RRM2: variants seen among roughly 807,000 people sequenced by gnomAD.
RRM2 encodes the protein ribonucleotide reductase regulatory subunit M2.
In RRM2, 6 loss-of-function variants were observed where a neutral mutation model predicts 45.9. The observed-to-expected ratio is 0.13, with a 90% CI of 0.07 to 0.26. The LOEUF (loss-of-function observed/expected upper bound fraction) is 0.26. Among genes scored for constraint, RRM2 ranks in the 10% least tolerant of loss-of-function variants. The pLI, the probability that RRM2 is intolerant of heterozygous loss-of-function variation, is 1.00. For synonymous variants in RRM2, 177 were observed against 173.0 expected, an observed-to-expected ratio of 1.02 and a Z score of -0.18; for missense variants, 343 against 489.5, an observed-to-expected ratio of 0.70 and a Z score of 2.82.
chr2:10,133,708 T>C (rs1034322899), downstream of RRM2, among the ~76,000 whole-genome samples: 25 of 151,136 alleles, frequency 1.7e-4, no homozygotes, highest in Non-Finnish European at 3.4e-4. Context: ...TCAGGATTTT[T>C]TTTTTTTTTT....
At chr2:10,138,685 C>G (rs941239362), upstream of RRM2, among the ~76,000 whole-genome samples, 10 of 152,234 alleles carry the variant, frequency 6.6e-5, no homozygotes, top group Non-Finnish European at 1.5e-4. Flanking sequence ...CATCACTGCT[C>G]TCAGCCTCAG....
upstream of RRM2, among the ~76,000 whole-genome samples, chr2:10,137,616 C>T (rs1663012644): frequency 6.6e-6 from 1 of 152,206 alleles, no homozygotes. Flanking sequence ...CTTATGGCCA[C>T]AAAGTCTAGG....
chr2:10,209,057 C>CTTTCTTTCT (rs1048061514), intron 3 of RRM2, among the ~76,000 whole-genome samples: 40 of 102,488 alleles, frequency 3.9e-4, no homozygotes, highest in East Asian at 1.2e-3. Context: ...TTCTTTCTTT[C>CTTTCTTTCT]TTTTTTTTTT....
intron 3 of RRM2, among the ~76,000 whole-genome samples, chr2:10,180,546 C>A (rs552938709): frequency 6.6e-6 from 1 of 152,174 alleles, no homozygotes; most frequent in Non-Finnish European, 1.5e-5. Context: ...CCTTGGCACT[C>A]GTGGTTGGCC....
chr2:10,126,899 A>G lies in RRM2; in HGVS notation c.594A>G (p.Glu198=). 6.2e-7 allele frequency: 1 copy of G among 1,614,094 alleles called. No individual in the cohort carries two copies. The highest frequency in any genetic ancestry group is 8.5e-7 in the Non-Finnish European group (1 of 1,180,012). The change falls in exon 6 of 10, where the codon GAA becomes GAG. Residue 198 remains glutamate (E), a synonymous_variant. Transcript: ENST00000304567. ...KEREFLFNAI[E]TMPCVKKKAD... ...GGGAATTTCTCTTCAATGCCATTGA[A>G]ACGATGCCTTGTGTCAAGAAGAAGG...
intron 3 of RRM2, among the ~76,000 whole-genome samples, chr2:10,150,771 G>GTTTTTTTTTTTTT (rs61292654): frequency 2.2e-5 from 2 of 92,858 alleles, no homozygotes; most frequent in Admixed American, 1.2e-4. Context: ...AGTGTGTTGT[G>GTTTTTTTTTTTTT]TTTTTTTTTT....
Position 10,129,652 on chromosome 2 carries a change from A to T in RRM2, c.*266A>T. On this transcript the variant is annotated 3_prime_UTR_variant, in exon 10 of 10. Coordinates refer to ENST00000304567, the MANE Select transcript of RRM2 (RefSeq NM_001034.4). This position sits in a 1 kb window ranked among gnomAD's most constrained non-coding sequence, Gnocchi z 4.8. ...GCTTTAAAGTGAGGGGTGACCCTTT[A>T]GTGAGCTTAGCACAGCGGGATTAAA... The T allele has an allele frequency of 2.2e-6, 1 of 461,412 alleles. No homozygotes were observed. Among genetic ancestry groups the T allele is most frequent in the Non-Finnish European group, 3.9e-6 (1 of 259,648 alleles). 28.6% of individuals were successfully genotyped at this position (461,412 alleles called of 1,614,324 possible). A position where few individuals can be genotyped will look rare whatever the true frequency, so the allele number is the denominator to read the frequency against.
At chr2:10,156,054 A>G (rs1360639092) in intron 3 of RRM2, 1 of 152,146 alleles carries the variant, frequency 6.6e-6, no homozygotes. Context: ...TACAGGAAGA[A>G]CCCTGCTGGC....
intron 3 of RRM2, among the ~76,000 whole-genome samples, chr2:10,182,928 A>G (rs1222514528): frequency 6.6e-6 from 1 of 152,224 alleles, no homozygotes; most frequent in Admixed American, 6.5e-5. Flanking sequence ...CTGTGATCCC[A>G]ACACTTTGAG....
chr2:10,141,919 G>A lies in RRM2; in HGVS notation n.326G>A, dbSNP rs772308678. On this transcript the variant is annotated non_coding_transcript_exon_variant, in exon 2 of 4. Transcript: ENST00000381786. ...GCCCTCGGGGAGACAGCACGCCAGT[G>A]AGGGAGATGGAGACCAATCACCCAC... 4 of 1,577,808 alleles carry A rather than the reference G, an allele frequency of 2.5e-6. No individual in the cohort carries two copies. In the African/African-American group the frequency reaches 4.0e-5, roughly 16 times the overall value.
downstream of RRM2, among the ~76,000 whole-genome samples, chr2:10,136,113 G>A (rs972192607): frequency 6.6e-6 from 1 of 152,178 alleles, no homozygotes; most frequent in African/African-American, 2.4e-5. Flanking sequence ...TCCTGTGTCC[G>A]GGCAGCACCA....
chr2:10,183,757 C>T (rs561188406), intron 3 of RRM2, among the ~76,000 whole-genome samples: 13 of 150,684 alleles, frequency 8.6e-5, no homozygotes, highest in South Asian at 4.2e-4. Context: ...ATTGCGCCAC[C>T]GCACTCCAGC....
chr2:10,197,020 T>G (rs1414743805), intron 3 of RRM2, among the ~76,000 whole-genome samples: 1 of 152,064 alleles, frequency 6.6e-6, no homozygotes, highest in Non-Finnish European at 1.5e-5. Flanking sequence ...CTCACCCCAG[T>G]GAGCTTCCCA....
At chr2:10,176,417 C>T (rs1279835433) in intron 3 of RRM2, among the ~76,000 whole-genome samples, 1 of 152,132 alleles carries the variant, frequency 6.6e-6, no homozygotes, top group Non-Finnish European at 1.5e-5. Context: ...TACAGACATA[C>T]GCCACCATGC....
rs896445400 is a variant in RRM2 at position 10,185,548 on chromosome 2, C to G, written n.483-24763C>G. ...CAGCCTTTTCCCCACCCATTCACTCCTCTCCCAAATCCGGATGGTTTTAAG... is the reference window on the plus strand; with the variant it reads ...CAGCCTTTTCCCCACCCATTCACTCGTCTCCCAAATCCGGATGGTTTTAAG... On this transcript the variant is annotated intron_variant and non_coding_transcript_variant, in intron 3 of 3. Transcript: ENST00000381786. The surrounding 1 kb of genome is among the most constrained non-coding windows in gnomAD (Gnocchi z 4.3). Among the ~76,000 whole-genome samples the G allele has an allele frequency of 1.3e-5, 2 of 152,178 alleles. No individual in the cohort carries two copies. Among genetic ancestry groups the G allele is most frequent in the Non-Finnish European group, 2.9e-5 (2 of 68,030 alleles).
intron 3 of RRM2, among the ~76,000 whole-genome samples, chr2:10,184,277 A>G (rs2125326620): frequency 6.6e-6 from 1 of 152,194 alleles, no homozygotes; most frequent in Non-Finnish European, 1.5e-5. Flanking sequence ...GGGGGCTTGC[A>G]GTTCATAAGC....
rs932356790 is a variant in RRM2, at chr2:10,199,512, T to G, written n.483-10799T>G. On this transcript the variant is annotated intron_variant and non_coding_transcript_variant, in intron 3 of 3. Transcript: ENST00000381786. ...AGACAAATCATGGGGCCAGGTGTGG[T>G]GGCTCACACCTGTAATCCCAGCACT... Among the ~76,000 whole-genome samples, 5 of 152,126 alleles carry G rather than the reference T, an allele frequency of 3.3e-5. No homozygotes were observed. The South Asian group carries it at 1.0e-3, about 32-fold the overall frequency.
intron 3 of RRM2, among the ~76,000 whole-genome samples, chr2:10,192,141 C>G (rs970642544): frequency 6.7e-5 from 10 of 150,264 alleles, no homozygotes; most frequent in African/African-American, 2.5e-4. Flanking sequence ...GCCACCGTCC[C>G]AAGAGAGCTC....
At chr2:10,144,739 G>A (rs1222145977) in intron 3 of RRM2, among the ~76,000 whole-genome samples, 1 of 152,122 alleles carries the variant, frequency 6.6e-6, no homozygotes, top group Non-Finnish European at 1.5e-5. Context: ...CCCAGGGAGG[G>A]TCAGCATGTG....
Sources: allele counts gnomAD v4.1 joint callset (sites outside exome capture counted in the v4.1 genomes callset), GRCh38; gene constraint gnomAD v4.1.1; non-coding constraint Gnocchi (gnomAD v3.1); transcripts MANE v1.5; gene names NCBI Gene and HGNC (gene_info 2026-07-23, HGNC 2026-07-21).